MED1: variants seen among roughly 807,000 people sequenced by gnomAD.
The protein encoded by MED1 is mediator complex subunit 1.
MED1 carries 17 observed loss-of-function variants against 121.3 expected under a neutral mutation model. That is an observed-to-expected ratio of 0.14 (90% CI 0.10 to 0.21). MED1 has a LOEUF of 0.21. Ranked by LOEUF, MED1 falls within the 10% of genes least tolerant of loss-of-function variation. The probability of loss-of-function intolerance (pLI) is 1.00; values close to 1 mark genes in which losing one functional copy is unlikely to be tolerated. For missense variants in MED1, 1,558 were observed against 1,919.4 expected (o/e 0.81, Z 3.52); for synonymous variants, 661 against 694.4 (o/e 0.95, Z 0.76).
rs1213776188 is a variant in MED1, at chr17:39,446,436, C to T, written c.132+1362G>A. 9.9e-5 allele frequency among the ~76,000 whole-genome samples: 10 copies of T among 101,398 alleles called. No homozygotes were observed. The East Asian group carries it at 1.5e-3, about 15-fold the overall frequency. The allele number at this position is 101,398 out of a possible 152,430, so 66.5% of individuals were successfully genotyped here. On this transcript the variant is annotated intron_variant, in intron 2 of 16. Coordinates refer to ENST00000300651, the MANE Select transcript of MED1 (RefSeq NM_004774.4). The stretch of plus-strand genomic sequence containing the variant: ...CTGCACTCCAGCCTGGGTGACAAAG[C>T]GACACTCCATCTCAAAAAAAAAAAA...
rs889899054 is a variant in MED1 at position 39,419,638 on chromosome 17, C to T, written c.1297+79G>A. The T allele has an allele frequency of 2.1e-6, 3 of 1,409,530 alleles. No homozygotes were observed. In the African/African-American group the frequency reaches 4.3e-5, roughly 20 times the overall value. 87.3% of individuals were successfully genotyped at this position (1,409,530 alleles called of 1,614,324 possible). A position where few individuals can be genotyped will look rare whatever the true frequency, so the allele number is the denominator to read the frequency against. On this transcript the variant is annotated intron_variant, in intron 14 of 16. Transcript: ENST00000300651. ...CTTTTTTTAAGTTCTACAGGTGATT[C>T]TGATGGGCCACCAATTAAAGAACCA... is the stretch of plus-strand genomic sequence containing the variant.
At chr17:39,448,631 T>TG (rs1567656014) in intron 1 of MED1, among the ~76,000 whole-genome samples, 1 of 151,546 alleles carries the variant, frequency 6.6e-6, no homozygotes, top group African/African-American at 2.4e-5. Context: ...AAATGCTGGC[T>TG]GGGCGGAGTG....
chr17:39,422,368 G>C (rs2048473483), intron 13 of MED1, among the ~76,000 whole-genome samples: 2 of 147,698 alleles, frequency 1.4e-5, no homozygotes, highest in African/African-American at 2.5e-5. Flanking sequence ...GTTTCACCCT[G>C]TTGGCCAGGA....
In MED1 at chr17:39,433,514, AT is replaced by A. The variant is rs61452797; in HGVS notation, c.500+734del. ...CCTAAAACATTAATTTTTAAAATAA[AT>A]TTTTTTTGTTACTATATATATATAT... On this transcript the variant is annotated intron_variant, in intron 7 of 16. Transcript: ENST00000300651. Among the ~76,000 whole-genome samples, 45 of 148,608 alleles carry A rather than the reference AT, an allele frequency of 3.0e-4. 1 individual carries two copies. Among genetic ancestry groups the A allele is most frequent in the South Asian group, 8.4e-4 (4 of 4,774 alleles).
chr17:39,413,738 A>T (rs112744213), intron 16 of MED1, among the ~76,000 whole-genome samples: 1,612 of 152,070 alleles, frequency 0.011, 26 homozygotes, highest in African/African-American at 0.037. Flanking sequence ...TTGTCTCAAA[A>T]TAAAAAAATA....
Position 39,405,503 on chromosome 17 carries a change from A to G in MED1, c.*1972T>C. The G allele has an allele frequency of 7.2e-7, 1 of 1,391,786 alleles. No individual in the cohort carries two copies. The highest frequency in any genetic ancestry group is 9.3e-7 in the Non-Finnish European group (1 of 1,073,736). The allele number at this position is 1,391,786 out of a possible 1,614,324, so 86.2% of individuals were successfully genotyped here. A position where few individuals can be genotyped will look rare whatever the true frequency, so the allele number is the denominator to read the frequency against. On this transcript the variant is annotated 3_prime_UTR_variant, in exon 17 of 17. Coordinates refer to ENST00000300651, the MANE Select transcript of MED1 (RefSeq NM_004774.4). ...AGAAACCAACGGGATAGGATTCAAA[A>G]CTAGGTGACAAACTCATGAGAAATC... is the stretch of plus-strand genomic sequence containing the variant.
At chr17:39,435,756 C>A (rs1044863313) in intron 6 of MED1, among the ~76,000 whole-genome samples, 1 of 151,984 alleles carries the variant, frequency 6.6e-6, no homozygotes, top group Non-Finnish European at 1.5e-5. Flanking sequence ...AGTCCGATGG[C>A]GATGGCACGA....
At chr17:39,438,882 G>C (rs1433553251) in intron 6 of MED1, among the ~76,000 whole-genome samples, 1 of 152,194 alleles carries the variant, frequency 6.6e-6, no homozygotes, top group Non-Finnish European at 1.5e-5. Flanking sequence ...CCAGGAGGCA[G>C]AGGTTGCAGT....
In MED1 at chr17:39,421,176, G is replaced by A. The variant is rs575964127; in HGVS notation, c.1096-1258C>T. Among the ~76,000 whole-genome samples, 82 of 150,778 alleles carry A rather than the reference G, an allele frequency of 5.4e-4. No homozygotes were observed. In the South Asian group the frequency reaches 0.01, roughly 19 times the overall value. On this transcript the variant is annotated intron_variant, in intron 13 of 16. Transcript: ENST00000300651. Reference sequence around the variant, plus strand: ...TGAGGCAGAAGAATCGCTTGAACCTGGGAGGCAGAGGTTGCAGTCAGCCGA... The same window carrying A: ...TGAGGCAGAAGAATCGCTTGAACCTAGGAGGCAGAGGTTGCAGTCAGCCGA...
Position 39,409,468 on chromosome 17 carries a change from G to T in MED1, c.2753C>A (p.Thr918Asn), listed in dbSNP as rs764248625. The change falls in exon 17 of 17, where the codon ACC becomes AAC. Residue 918 changes from threonine (T) to asparagine (N), a missense_variant. Around this residue, in one of 5 missense-constraint regions of MED1, gnomAD observed 793 missense variants for 898.2 expected, o/e 0.88. Transcript: ENST00000300651. The part of the protein sequence containing the change: ...VPMLGGDNGE[T>N]KFKGNNQADT... ...GGCTTGGTTATTGCCCTTAAACTTG[G>T]TCTCCCCATTATCACCTCCAAGCAT... is the stretch of plus-strand genomic sequence containing the variant. 8.7e-6 allele frequency: 14 copies of T among 1,613,880 alleles called. No homozygotes were observed. Among genetic ancestry groups the T allele is most frequent in the African/African-American group, 6.7e-5 (5 of 74,846 alleles).
chr17:39,436,273 A>G (rs2048617681), intron 6 of MED1, among the ~76,000 whole-genome samples: 1 of 150,820 alleles, frequency 6.6e-6, no homozygotes, highest in African/African-American at 2.4e-5. Flanking sequence ...AGGCAGGAGA[A>G]TGGCATGAAC....
chr17:39,420,000 C>T lies in MED1; in HGVS notation c.1096-82G>A, dbSNP rs975655608. The T allele has an allele frequency of 2.4e-6, 3 of 1,265,100 alleles. No individual in the cohort carries two copies. The Admixed American group carries it at 6.6e-5, about 28-fold the overall frequency. 78.4% of individuals were successfully genotyped at this position (1,265,100 alleles called of 1,614,324 possible). A position where few individuals can be genotyped will look rare whatever the true frequency, so the allele number is the denominator to read the frequency against. ...CAAAGTATCCTGAAAAAACCTACTA[C>T]TCAAAAAAGTGCAGAAAAGTCTCCA... On this transcript the variant is annotated intron_variant, in intron 13 of 16. Coordinates refer to ENST00000300651, the MANE Select transcript of MED1 (RefSeq NM_004774.4).
intron 8 of MED1, 91 bp from the exon 9 acceptor site, chr17:39,431,279 G>C (rs2048562895): frequency 2.0e-6 from 2 of 982,196 alleles, no homozygotes; most frequent in South Asian, 1.5e-5. Context: ...CCGAAGTCTT[G>C]TCTTTTTTTT....
chr17:39,408,974 A>G lies in MED1; in HGVS notation c.3247T>C (p.Tyr1083His), dbSNP rs764736805. 3 of 1,614,164 alleles carry G rather than the reference A, an allele frequency of 1.9e-6. No homozygotes were observed. Among genetic ancestry groups the G allele is most frequent in the Admixed American group, 3.3e-5 (2 of 60,026 alleles). Residue 1083 changes from tyrosine to histidine, a missense_variant, in exon 17 of 17, where the codon TAT becomes CAT. This residue lies in a region of MED1 where 793 missense variants were observed against 898.2 expected (regional missense o/e 0.88). Coordinates refer to ENST00000300651, the MANE Select transcript of MED1 (RefSeq NM_004774.4). This position sits in a 1 kb window ranked among gnomAD's most constrained non-coding sequence, Gnocchi z 4.7. The stretch of plus-strand genomic sequence containing the variant: ...GAAGACACAGAACCACTGCTGGTAT[A>G]CTGACTGTGAGAGGAAGGCTTGCCC... ...MVGKPSSHSQ[Y>H]TSSGSVSSSG... is the part of the protein sequence containing the mutation.
chr17:39,413,951 G>T, intron 16 of MED1, among the ~76,000 whole-genome samples: 1 of 145,338 alleles, frequency 6.9e-6, no homozygotes, highest in African/African-American at 2.6e-5. Flanking sequence ...AGCTGGCTGT[G>T]TGCAGTGGCT....
chr17:39,440,073 A>AAAGCAAGC lies in MED1; in HGVS notation c.399+305_399+312dup, dbSNP rs370296435. Reference sequence around the variant, plus strand: ...GAAAGAAAAGAAAGAAAAGAAAAAGAAAGCAAGCAAGCAAGCAAGAAAGAA... The same window carrying AAAGCAAGC: ...GAAAGAAAAGAAAGAAAAGAAAAAGAAAGCAAGCAAGCAAGCAAGCAAGCAAGAAAGAA... On this transcript the variant is annotated intron_variant, in intron 5 of 16. Transcript: ENST00000300651. The surrounding 1 kb of genome is among the most constrained non-coding windows in gnomAD (Gnocchi z 4.1). 2.0e-5 allele frequency among the ~76,000 whole-genome samples: 3 copies of AAAGCAAGC among 151,700 alleles called. No homozygotes were observed. In the East Asian group the frequency reaches 5.8e-4, roughly 29 times the overall value.
rs1388281180 is a variant in MED1 at position 39,440,080 on chromosome 17, G to A, written c.399+306C>T. Among the ~76,000 whole-genome samples the A allele has an allele frequency of 6.8e-6, 1 of 147,812 alleles. No homozygotes were observed. The highest frequency in any genetic ancestry group is 1.5e-5 in the Non-Finnish European group (1 of 66,750). On this transcript the variant is annotated intron_variant, in intron 5 of 16. Transcript: ENST00000300651. The surrounding 1 kb of genome is among the most constrained non-coding windows in gnomAD (Gnocchi z 4.1). ...AAGAAAGAAAAGAAAAAGAAAGCAA[G>A]CAAGCAAGCAAGAAAGAAAGAAAGA...
rs2048669005 is a variant in MED1 at position 39,440,922 on chromosome 17, T to C, written c.212-245A>G. ...CCTCTCCTGTTTTCATTACTCCTTA[T>C]GTGGGACAAACTGCCTTTAACTTAA... On this transcript the variant is annotated intron_variant, in intron 3 of 16. Transcript: ENST00000300651. This position sits in a 1 kb window ranked among gnomAD's most constrained non-coding sequence, Gnocchi z 4.1. Among the ~76,000 whole-genome samples the C allele has an allele frequency of 6.6e-6, 1 of 152,150 alleles. No individual in the cohort carries two copies. The highest frequency in any genetic ancestry group is 2.1e-4 in the South Asian group (1 of 4,822).
chr17:39,423,424 T>G lies in MED1; in HGVS notation c.998A>C (p.Gln333Pro), dbSNP rs2048486153. The G allele has an allele frequency of 6.2e-7, 1 of 1,613,366 alleles. No individual in the cohort carries two copies. Among genetic ancestry groups the G allele is most frequent in the Non-Finnish European group, 8.5e-7 (1 of 1,179,506 alleles). The change falls in exon 13 of 17, where the codon CAA (glutamine) becomes CCA (proline). Residue 333 changes from glutamine to proline, a missense_variant. By Grantham distance (76) the Gln-to-Pro change is moderately conservative. Transcript: ENST00000300651. ...TTCATACAGGGGTGCATAAGTTGGT[T>G]GAGTTTCAAACAATGGAATTCCTGG... ...NCTGIPLFET[Q>P]PTYAPLYELI...
Sources: allele counts gnomAD v4.1 joint callset (sites outside exome capture counted in the v4.1 genomes callset), GRCh38; gene constraint gnomAD v4.1.1; regional missense constraint gnomAD v4.1.1; non-coding constraint Gnocchi (gnomAD v3.1); transcripts MANE v1.5; gene names NCBI Gene and HGNC (gene_info 2026-07-23, HGNC 2026-07-21).